The following SMARCC2 variants were observed in gnomAD, a reference collection of about 807,000 sequenced individuals.
The protein encoded by SMARCC2 is SWI/SNF complex subunit SMARCC2.
In SMARCC2, 15 loss-of-function variants were observed where a neutral mutation model predicts 151.3. The ratio of observed to expected loss-of-function variants is 0.10; its 90% CI spans 0.07 to 0.15. The LOEUF (loss-of-function observed/expected upper bound fraction) is 0.15, where lower values mean the gene tolerates loss of function less well. Among genes scored for constraint, SMARCC2 ranks in the 10% least tolerant of loss-of-function variants. SMARCC2 has a pLI of 1.00. For synonymous variants in SMARCC2, 590 were observed against 609.5 expected (o/e 0.97, Z 0.47); for missense variants, 1,031 against 1,599.7 (o/e 0.64, Z 6.06).
At chr12:56,167,973 C>CAT (rs2135661008) in intron 26 of SMARCC2, 87 bp downstream of exon 26, 2 of 1,246,190 alleles carry the variant, frequency 1.6e-6, no homozygotes, top group East Asian at 4.7e-5. Flanking sequence ...CACACACACA[C>CAT]ACACACACAC....
intron 1 of SMARCC2, among the ~76,000 whole-genome samples, chr12:56,187,953 T>C (rs1011927949): frequency 6.6e-6 from 1 of 152,122 alleles, no homozygotes; most frequent in African/African-American, 2.4e-5. Flanking sequence ...TGGCCCTACT[T>C]CTATGTTTCC....
At position 56,175,862 on chromosome 12, in the gene SMARCC2, A is replaced by G. The variant is rs113961577; in HGVS notation, c.1383-1098T>C. Among the ~76,000 whole-genome samples, 218 of 148,502 alleles carry G rather than the reference A, an allele frequency of 1.5e-3. 2 individuals carry two copies. The highest frequency in any genetic ancestry group is 5.1e-3 in the African/African-American group (206 of 40,528). On this transcript the variant is annotated intron_variant, in intron 15 of 28. Coordinates refer to ENST00000550164, the MANE Select transcript of SMARCC2 (RefSeq NM_001330288.2). ...ATGCAGGCAATTATCATCATTTACT[A>G]TTTTTTTTTTTCTGAGATGGAGTTT...
chr12:56,164,694 TGAGG>T lies in SMARCC2; in HGVS notation c.3266_3269del (p.Pro1089GlnfsTer2). On this transcript the variant is annotated frameshift_variant, in exon 28 of 29. Coordinates refer to ENST00000550164, the MANE Select transcript of SMARCC2 (RefSeq NM_001330288.2). LOFTEE classifies it high-confidence loss of function. ...TGCCTGGCACTGCCCCTGGCATCAT[TGAGG>T]GAGGAGTTTGTTGGTTGGGGAACGG... The T allele has an allele frequency of 6.2e-7, 1 of 1,611,586 alleles. No individual in the cohort carries two copies. Among genetic ancestry groups the T allele is most frequent in the Non-Finnish European group, 8.5e-7 (1 of 1,178,920 alleles).
chr12:56,178,348 T>C, intron 14 of SMARCC2, 56 bp downstream of exon 14: 1 of 1,599,066 alleles, frequency 6.3e-7, no homozygotes, highest in East Asian at 2.2e-5. Flanking sequence ...GAACAGCCTG[T>C]TGACCCCTGG....
In SMARCC2 at chr12:56,171,770, A is replaced by G; in HGVS notation, c.2094T>C (p.Ser698=). 6.2e-7 allele frequency: 1 copy of G among 1,613,248 alleles called. No individual in the cohort carries two copies. The highest frequency in any genetic ancestry group is 1.1e-5 in the South Asian group (1 of 90,992). Residue 698 remains serine, a synonymous_variant, in exon 21 of 29, where the codon AGT becomes AGC. Coordinates refer to ENST00000550164, the MANE Select transcript of SMARCC2 (RefSeq NM_001330288.2). The surrounding 1 kb of genome is among the most constrained non-coding windows in gnomAD (Gnocchi z 4.2). ...GPLAYQPIPF[S]QSGNPVMSTV... ...TGCTCATAACAGGGTTGCCCGACTG[A>G]CTGAAGGGGATGGGTTGGTAGGCCA...
At chr12:56,168,262 T>TA in intron 25 of SMARCC2, 68 bp from the exon 26 acceptor site, 1 of 1,577,300 alleles carries the variant, frequency 6.3e-7, no homozygotes, top group South Asian at 1.1e-5. Flanking sequence ...AGAAGAAAGG[T>TA]AGGGTGGATG....
intron 28 of SMARCC2, 128 bp from the exon 29 acceptor site, chr12:56,163,893 T>C (rs2135625187): frequency 1.7e-6 from 1 of 582,848 alleles, no homozygotes; most frequent in Non-Finnish European, 2.9e-6. Flanking sequence ...GTACCCATAA[T>C]GTTCAACTTC....
intron 2 of SMARCC2, 93 bp from the exon 3 acceptor site, chr12:56,186,333 T>G: frequency 2.6e-6 from 2 of 772,592 alleles, no homozygotes; most frequent in Non-Finnish European, 4.3e-6. Context: ...CAAAATCCCA[T>G]GCTGAATTGA....
At chr12:56,177,900 C>T in intron 15 of SMARCC2, 122 bp downstream of exon 15, 2 of 698,460 alleles carry the variant, frequency 2.9e-6, no homozygotes, top group Non-Finnish European at 5.0e-6. Context: ...GTAAGCCTAG[C>T]ATAGTGCCTG....
At chr12:56,176,500 C>T (rs1157229046) in intron 15 of SMARCC2, among the ~76,000 whole-genome samples, 6 of 152,162 alleles carry the variant, frequency 3.9e-5, no homozygotes, top group South Asian at 4.1e-4. Context: ...TTTCTTGAGA[C>T]GGAGTCTTGC....
Position 56,172,927 on chromosome 12 carries a change from C to A in SMARCC2, c.1743+10G>T. On this transcript the variant is annotated intron_variant, in intron 18 of 28. Coordinates refer to ENST00000550164, the MANE Select transcript of SMARCC2 (RefSeq NM_001330288.2). ...AATGAGCAGCCCAGCAGGGTCTGCA[C>A]CCCACCTACCAGCTCTGGCTTGCCC... 1 of 1,612,344 alleles carries A rather than the reference C, an allele frequency of 6.2e-7. No individual in the cohort carries two copies. The highest frequency in any genetic ancestry group is 8.5e-7 in the Non-Finnish European group (1 of 1,179,746).
chr12:56,170,123 CT>C lies in SMARCC2; in HGVS notation c.2412+20del. 1 of 1,607,008 alleles carries C rather than the reference CT, an allele frequency of 6.2e-7. No homozygotes were observed. The highest frequency in any genetic ancestry group is 8.5e-7 in the Non-Finnish European group (1 of 1,173,600). ...ACAGTGCTGCACGCAGCCCCTGCAG[CT>C]TCCAGAAATCCCTCTATACCTTGGG... is the stretch of plus-strand genomic sequence containing the variant. On this transcript the variant is annotated intron_variant, in intron 23 of 28. Transcript: ENST00000550164.
chr12:56,163,860 C>T, intron 28 of SMARCC2, 95 bp from the exon 29 acceptor site: 1 of 770,774 alleles, frequency 1.3e-6, no homozygotes, highest in African/African-American at 1.9e-5. Flanking sequence ...GCATGGCATG[C>T]AGTGGCTGGG....
chr12:56,172,783 G>C, intron 18 of SMARCC2, 79 bp from the exon 19 acceptor site: 3 of 1,598,366 alleles, frequency 1.9e-6, no homozygotes, highest in South Asian at 1.1e-5. Context: ...AAAACAGACA[G>C]AAGGAGCTTC....
chr12:56,163,609 G>T lies in SMARCC2; in HGVS notation c.*80C>A. 1.4e-6 allele frequency: 1 copy of T among 739,172 alleles called. No individual in the cohort carries two copies. 45.8% of individuals were successfully genotyped at this position (739,172 alleles called of 1,614,324 possible). A position where few individuals can be genotyped will look rare whatever the true frequency, so the allele number is the denominator to read the frequency against. On this transcript the variant is annotated 3_prime_UTR_variant, in exon 29 of 29. Coordinates refer to ENST00000550164, the MANE Select transcript of SMARCC2 (RefSeq NM_001330288.2). Reference sequence around the variant, plus strand: ...TGATGAACTCTCCAGGCTGGGGAGGGTCCCAGTGGTGGGGGAAGGGCTGTT... The same window carrying T: ...TGATGAACTCTCCAGGCTGGGGAGGTTCCCAGTGGTGGGGGAAGGGCTGTT...
chr12:56,170,094 C>G, intron 23 of SMARCC2, 50 bp downstream of exon 23: 1 of 1,546,466 alleles, frequency 6.5e-7, no homozygotes, highest in Non-Finnish European at 8.9e-7. Context: ...ACTTCCCCAT[C>G]ACCACAGTGC....
In SMARCC2 at chr12:56,178,388, T is replaced by C. The variant is rs774637161; in HGVS notation, c.1310+16A>G. On this transcript the variant is annotated intron_variant, in intron 14 of 28. Transcript: ENST00000550164. ...AGGGAAATAAGGACTCAGTGAGAAG[T>C]TGGGGACAACCATACCTATTGTAGT... is the stretch of plus-strand genomic sequence containing the variant. 9.9e-6 allele frequency: 16 copies of C among 1,614,100 alleles called. No individual in the cohort carries two copies. Among genetic ancestry groups the C allele is most frequent in the South Asian group, 7.7e-5 (7 of 91,082 alleles).
At position 56,185,011 on chromosome 12, in the gene SMARCC2, T is replaced by C. The variant is rs768122887; in HGVS notation, c.399+19A>G. The C allele has an allele frequency of 3.1e-6, 5 of 1,600,648 alleles. No individual in the cohort carries two copies. The South Asian group carries it at 4.4e-5, about 14-fold the overall frequency. ...TTCTCACTGAGGGAAGGGAGATAAA[T>C]AGGGTATATGCCTATTACCTGCACC... On this transcript the variant is annotated intron_variant, in intron 4 of 28. Coordinates refer to ENST00000550164, the MANE Select transcript of SMARCC2 (RefSeq NM_001330288.2).
chr12:56,184,676 A>C (rs1156246923), intron 5 of SMARCC2, 168 bp downstream of exon 5: 1 of 599,790 alleles, frequency 1.7e-6, no homozygotes, highest in Admixed American at 3.0e-5. Flanking sequence ...AAATGGGAGA[A>C]GCAGACAGAA....
Sources: gnomAD v4.1 joint callset for allele counts (sites outside exome capture counted in the v4.1 genomes callset) on GRCh38, gnomAD v4.1.1 for gene constraint, Gnocchi (gnomAD v3.1) non-coding constraint, MANE v1.5 for transcripts, NCBI Gene and HGNC (gene_info 2026-07-23, HGNC 2026-07-21) for gene names.